BAP1: variants seen among roughly 807,000 people sequenced by gnomAD.
BAP1 encodes BRCA1 associated deubiquitinase 1.
Under a neutral mutation model 77.2 loss-of-function variants are expected in BAP1, and 16 were observed. That is an observed-to-expected ratio of 0.21 (90% CI 0.14 to 0.31). BAP1 has a LOEUF of 0.31. Among genes scored for constraint, BAP1 ranks in the 10% least tolerant of loss-of-function variants. The pLI, the probability that BAP1 is intolerant of heterozygous loss-of-function variation, is 1.00. For missense variants in BAP1, 699 were observed against 967.3 expected (o/e 0.72, Z 3.68); for synonymous variants, 362 against 385.2 (o/e 0.94, Z 0.71).
At position 52,401,930 on chromosome 3, in the gene BAP1, G is replaced by A; in HGVS notation, c.*358C>T. 1 of 424,668 alleles carries A rather than the reference G, an allele frequency of 2.4e-6. No individual in the cohort carries two copies. The allele number at this position is 424,668 out of a possible 1,614,324, so 26.3% of individuals were successfully genotyped here. A position where few individuals can be genotyped will look rare whatever the true frequency, so the allele number is the denominator to read the frequency against. On this transcript the variant is annotated 3_prime_UTR_variant, in exon 17 of 17. Transcript: ENST00000460680. ...GTCAGGTAGGAACTTATGTCAACAT[G>A]GTGGCATGTTGGGTTGGAGCCCAGA...
Position 52,406,014 on chromosome 3 carries a change from A to G in BAP1, c.784-102T>C. 1 of 1,556,940 alleles carries G rather than the reference A, an allele frequency of 6.4e-7. No homozygotes were observed. The highest frequency in any genetic ancestry group is 8.7e-7 in the Non-Finnish European group (1 of 1,143,424). Reference sequence around the variant, plus strand: ...CTAAAGGAATAATGGCCTTGGCTCTACCCATTCACTCACAGGGAAATAAAA... The same window carrying G: ...CTAAAGGAATAATGGCCTTGGCTCTGCCCATTCACTCACAGGGAAATAAAA... On this transcript the variant is annotated intron_variant, in intron 9 of 16. Transcript: ENST00000460680. This position sits in a 1 kb window ranked among gnomAD's most constrained non-coding sequence, Gnocchi z 4.6.
intron 4 of BAP1, 99 bp downstream of exon 4, chr3:52,408,375 A>G: frequency 2.6e-6 from 4 of 1,526,970 alleles, no homozygotes. Flanking sequence ...CACCCCTAGA[A>G]TCTGCCTATC....
intron 3 of BAP1, among the ~76,000 whole-genome samples, chr3:52,408,835 T>A (rs1705252296): frequency 6.6e-6 from 1 of 152,188 alleles, no homozygotes; most frequent in Non-Finnish European, 1.5e-5. Context: ...ACTGTGATGC[T>A]CCAGGAGTCC....
At position 52,403,166 on chromosome 3, in the gene BAP1, G is replaced by A. The variant is rs1705020958; in HGVS notation, c.1862C>T (p.Pro621Leu). ...GGGTGAGTATTTCTCCCCACTCAAG[G>A]GCTCGCCAGGCCTCACCATCCCCGT... ...EKTGMVRPGE[P>L]LSGEKYSPKE... The change falls in exon 14 of 17, where the codon CCC becomes CTC. Residue 621 changes from proline to leucine, a missense_variant. Pro to Leu is a moderately conservative substitution (Grantham distance 98). Around this residue, in one of 3 missense-constraint regions of BAP1, gnomAD observed 475 missense variants for 532.4 expected, o/e 0.89. Coordinates refer to ENST00000460680, the MANE Select transcript of BAP1 (RefSeq NM_004656.4). This position sits in a 1 kb window ranked among gnomAD's most constrained non-coding sequence, Gnocchi z 4.0. The A allele has an allele frequency of 6.2e-7, 1 of 1,613,960 alleles. No individual in the cohort carries two copies. The highest frequency in any genetic ancestry group is 1.3e-5 in the African/African-American group (1 of 75,032).
In BAP1 at chr3:52,409,602, T is replaced by C. The variant is rs759337168; in HGVS notation, c.74A>G (p.Lys25Arg). The change falls in exon 3 of 17, where the codon AAG (lysine) becomes AGG (arginine). Residue 25 changes from lysine to arginine, a missense_variant. Lys to Arg is a conservative substitution (Grantham distance 26, BLOSUM62 2). This residue lies in a region of BAP1 where 160 missense variants were observed against 322.8 expected (regional missense o/e 0.50). Coordinates refer to ENST00000460680, the MANE Select transcript of BAP1 (RefSeq NM_004656.4). Reference sequence around the variant, plus strand: ...GTAGATCTCCTCCACTTGCACCCCCTTGACACCTGCGATGAGGAAAGGAAA... The same window carrying C: ...GTAGATCTCCTCCACTTGCACCCCCCTGACACCTGCGATGAGGAAAGGAAA... ...FTLLVEDFGVKGVQVEEIYDL... is the reference protein window; with the variant it reads ...FTLLVEDFGVRGVQVEEIYDL... 3.1e-6 allele frequency: 5 copies of C among 1,614,024 alleles called. No homozygotes were observed. In the South Asian group the frequency reaches 4.4e-5, roughly 14 times the overall value.
chr3:52,404,200 C>A (rs1176149739), intron 12 of BAP1, among the ~76,000 whole-genome samples: 2 of 152,242 alleles, frequency 1.3e-5, no homozygotes, highest in Admixed American at 6.5e-5. Context: ...CCCAACCAAT[C>A]CTTCAAGGCC....
intron 12 of BAP1, 108 bp downstream of exon 12, chr3:52,404,345 C>G (rs1467320715): frequency 1.3e-6 from 2 of 1,586,902 alleles, no homozygotes; most frequent in African/African-American, 2.7e-5. Flanking sequence ...CCAAACTCCG[C>G]AGGTGCTCAA....
Position 52,402,478 on chromosome 3 carries a change from G to A in BAP1, c.2057-57C>T. On this transcript the variant is annotated intron_variant, in intron 16 of 16. Coordinates refer to ENST00000460680, the MANE Select transcript of BAP1 (RefSeq NM_004656.4). This position sits in a 1 kb window ranked among gnomAD's most constrained non-coding sequence, Gnocchi z 5.3. The stretch of plus-strand genomic sequence containing the variant: ...CTGGCTGCCTCAGGCCAGGAGCTGA[G>A]GCTCTCATGGCCCTCCCTGTGCCCC... 6.3e-7 allele frequency: 1 copy of A among 1,589,982 alleles called. No individual in the cohort carries two copies. The highest frequency in any genetic ancestry group is 8.6e-7 in the Non-Finnish European group (1 of 1,168,424).
chr3:52,403,446 C>T lies in BAP1; in HGVS notation c.1699G>A (p.Asp567Asn), dbSNP rs1705036927. The change falls in exon 13 of 17, where the codon GAT becomes AAT. Residue 567 changes from aspartate to asparagine, a missense_variant. Around this residue, in one of 3 missense-constraint regions of BAP1, gnomAD observed 475 missense variants for 532.4 expected, o/e 0.89. Transcript: ENST00000460680. The surrounding 1 kb of genome is among the most constrained non-coding windows in gnomAD (Gnocchi z 4.0). ...AGCGCCAGGGGACTCAGCACCCCAT[C>T]CTCAGCCAGGTGCAGCAGGCCTGTG... ...ISTGLLHLAE[D>N]GVLSPLALTE... The T allele has an allele frequency of 6.2e-7, 1 of 1,613,918 alleles. No individual in the cohort carries two copies. Among genetic ancestry groups the T allele is most frequent in the Non-Finnish European group, 8.5e-7 (1 of 1,179,976 alleles).
chr3:52,407,218 C>T lies in BAP1; in HGVS notation c.536G>A (p.Arg179Gln), dbSNP rs1440561167. The T allele has an allele frequency of 3.1e-6, 5 of 1,614,028 alleles. No individual in the cohort carries two copies. The highest frequency in any genetic ancestry group is 1.7e-5 in the Admixed American group (1 of 60,006). Residue 179 changes from arginine (R) to glutamine (Q), a missense_variant, in exon 7 of 17, where the codon CGG becomes CAG. This residue lies in a region of BAP1 where 160 missense variants were observed against 322.8 expected (regional missense o/e 0.50). Transcript: ENST00000460680. Reference sequence around the variant, plus strand: ...CTTCAGCCCATCCAGCTCAAAGAGCCGGCCTGTGATAGGCACATAGCTGAC... The same window carrying T: ...CTTCAGCCCATCCAGCTCAAAGAGCTGGCCTGTGATAGGCACATAGCTGAC... Reference protein sequence around the residue: ...HFVSYVPITGRLFELDGLKVY... With the variant: ...HFVSYVPITGQLFELDGLKVY...
Position 52,406,191 on chromosome 3 carries a change from G to C in BAP1, c.783+62C>G. On this transcript the variant is annotated intron_variant, in intron 9 of 16. Coordinates refer to ENST00000460680, the MANE Select transcript of BAP1 (RefSeq NM_004656.4). The surrounding 1 kb of genome is among the most constrained non-coding windows in gnomAD (Gnocchi z 4.6). ...CGAATCAGAGACAAATGCTGTGGGG[G>C]AAGGGAGGAGGAATGCAGGGAGGGT... 1 of 1,599,032 alleles carries C rather than the reference G, an allele frequency of 6.3e-7. No individual in the cohort carries two copies. Among genetic ancestry groups the C allele is most frequent in the Admixed American group, 1.7e-5 (1 of 59,846 alleles).
At chr3:52,404,725 C>G in intron 11 of BAP1, 139 bp from the exon 12 acceptor site, 1 of 1,336,208 alleles carries the variant, frequency 7.5e-7, no homozygotes, top group Non-Finnish European at 1.0e-6. Flanking sequence ...ATGGCCTGTC[C>G]TTGGCTTGTG....
intron 3 of BAP1, among the ~76,000 whole-genome samples, chr3:52,409,291 G>A (rs543218037): frequency 1.3e-5 from 2 of 152,370 alleles, no homozygotes; most frequent in African/African-American, 4.8e-5. Context: ...TCTTCCCGCT[G>A]CAAGGCCAGG....
chr3:52,409,901 G>T lies in BAP1; in HGVS notation c.-23C>A. On this transcript the variant is annotated 5_prime_UTR_variant, in exon 1 of 17. In the 5' UTR this introduces an upstream ATG that the reference lacks. Transcript: ENST00000460680. ...CATCTTCCCGCGGGGCGGCCCCTCA[G>T]CGCCATGTCCAGGCCCTCCCTCCCC... 6.2e-7 allele frequency: 1 copy of T among 1,603,758 alleles called. No individual in the cohort carries two copies.
Position 52,407,391 on chromosome 3 carries a change from C to T in BAP1, c.437+8G>A. On this transcript the variant is annotated splice_region_variant and intron_variant, in intron 6 of 16. Coordinates refer to ENST00000460680, the MANE Select transcript of BAP1 (RefSeq NM_004656.4). ...CACCCCACATCAGCTCCCACAGCTCCCACACACCTGGCATGGCTATTATGG... is the reference window on the plus strand; with the variant it reads ...CACCCCACATCAGCTCCCACAGCTCTCACACACCTGGCATGGCTATTATGG... 1 of 1,614,216 alleles carries T rather than the reference C, an allele frequency of 6.2e-7. No individual in the cohort carries two copies. The highest frequency in any genetic ancestry group is 8.5e-7 in the Non-Finnish European group (1 of 1,180,038).
In BAP1 at chr3:52,402,252, G is replaced by A. The variant is rs375252451; in HGVS notation, c.*36C>T. 1.4e-5 allele frequency: 22 copies of A among 1,594,548 alleles called. No homozygotes were observed. The highest frequency in any genetic ancestry group is 1.3e-4 in the African/African-American group (10 of 74,836). On this transcript the variant is annotated 3_prime_UTR_variant, in exon 17 of 17. Coordinates refer to ENST00000460680, the MANE Select transcript of BAP1 (RefSeq NM_004656.4). This position sits in a 1 kb window ranked among gnomAD's most constrained non-coding sequence, Gnocchi z 5.3. ...GGAAGGACCCTGGTGAGGGCCACAC[G>A]GCAAGAGTGGGCTGCAGAGTCAGGG...
intron 1 of BAP1, 27 bp downstream of exon 1, chr3:52,409,815 C>A (rs1192985377): frequency 1.2e-6 from 2 of 1,612,954 alleles, no homozygotes; most frequent in Admixed American, 3.3e-5. Flanking sequence ...CCTCCCCAGC[C>A]CCTGGCCCTC....
In BAP1 at chr3:52,402,133, T is replaced by C. The variant is rs181133421; in HGVS notation, c.*155A>G. ...TGCCGTGTCAGGCCTCAGGGCACGA[T>C]GGAAGGAATGTGGCCTGGTTCCTCC... is the stretch of plus-strand genomic sequence containing the variant. On this transcript the variant is annotated 3_prime_UTR_variant, in exon 17 of 17. Coordinates refer to ENST00000460680, the MANE Select transcript of BAP1 (RefSeq NM_004656.4). This position sits in a 1 kb window ranked among gnomAD's most constrained non-coding sequence, Gnocchi z 5.3. 7.3e-5 allele frequency: 96 copies of C among 1,307,486 alleles called. 1 individual carries two copies. The highest frequency in any genetic ancestry group is 9.7e-5 in the Non-Finnish European group (93 of 958,878). 81.0% of individuals were successfully genotyped at this position (1,307,486 alleles called of 1,614,324 possible).
At position 52,405,785 on chromosome 3, in the gene BAP1, G is replaced by T. The variant is rs1559589115; in HGVS notation, c.911C>A (p.Ala304Asp). Residue 304 changes from alanine to aspartate, a missense_variant, in exon 10 of 17, where the codon GCC becomes GAC. This residue lies in a region of BAP1 where 475 missense variants were observed against 532.4 expected (regional missense o/e 0.89). Coordinates refer to ENST00000460680, the MANE Select transcript of BAP1 (RefSeq NM_004656.4). Reference protein sequence around the residue: ...LVLEANRAPAASEGNHTDGAE... With the variant: ...LVLEANRAPADSEGNHTDGAE... The stretch of plus-strand genomic sequence containing the variant: ...AGTACCTGTGTGGTTGCCCTCAGAG[G>T]CTGCAGGGGCCCTGTTTGCTTCCAG... 6.2e-7 allele frequency: 1 copy of T among 1,613,476 alleles called. No individual in the cohort carries two copies. Among genetic ancestry groups the T allele is most frequent in the Non-Finnish European group, 8.5e-7 (1 of 1,180,038 alleles).
Sources: allele counts gnomAD v4.1 joint callset (sites outside exome capture counted in the v4.1 genomes callset), GRCh38; gene constraint gnomAD v4.1.1; regional missense constraint gnomAD v4.1.1; non-coding constraint Gnocchi (gnomAD v3.1); transcripts MANE v1.5; gene names NCBI Gene and HGNC (gene_info 2026-07-23, HGNC 2026-07-21).